Variants in WDR26 observed in about 807,000 individuals in gnomAD.
WDR26 encodes WD repeat-containing protein 26.
In WDR26, 5 loss-of-function variants were observed where a neutral mutation model predicts 84.1. The observed-to-expected ratio is 0.06, with a 90% CI of 0.03 to 0.13. The LOEUF (loss-of-function observed/expected upper bound fraction) is 0.13. Among genes scored for constraint, WDR26 ranks in the 10% least tolerant of loss-of-function variants. WDR26 has a pLI of 1.00. For missense variants in WDR26, 642 were observed against 974.9 expected, an observed-to-expected ratio of 0.66 and a Z score of 4.55; for synonymous variants, 415 against 389.6, an observed-to-expected ratio of 1.07 and a Z score of -0.77.
At chr1:224,407,151 A>AAAAAAGAATATATATATAT in intron 7 of WDR26, among the ~76,000 whole-genome samples, 456 of 11,884 alleles carry the variant, frequency 0.038, 59 homozygotes, top group Non-Finnish European at 0.056. Flanking sequence ...AAAAAAAAAA[A>AAAAAAGAATATATATATAT]ATATATATAT....
intron 4 of WDR26, among the ~76,000 whole-genome samples, chr1:224,421,498 G>A (rs1342095289): frequency 6.6e-6 from 1 of 152,216 alleles, no homozygotes; most frequent in African/African-American, 2.4e-5. Flanking sequence ...GCTGAGGCAG[G>A]AGAATTGCTT....
In WDR26 at chr1:224,386,314, T is replaced by C. The variant is rs1231508343; in HGVS notation, c.*3521A>G. 1.3e-5 allele frequency: 2 copies of C among 152,632 alleles called. No individual in the cohort carries two copies. The highest frequency in any genetic ancestry group is 6.5e-5 in the Admixed American group (1 of 15,272). The allele number at this position is 152,632 out of a possible 1,614,324, so 9.5% of individuals were successfully genotyped here. A position where few individuals can be genotyped will look rare whatever the true frequency, so the allele number is the denominator to read the frequency against. On this transcript the variant is annotated 3_prime_UTR_variant, in exon 14 of 14. Coordinates refer to ENST00000414423, the MANE Select transcript of WDR26 (RefSeq NM_001379403.1). ...AAGTAAAACCAAATCAAAATATTTA[T>C]ACATTTTAGAGATGGGACAAAAAGG...
Position 224,389,666 on chromosome 1 carries a change from A to G in WDR26, c.*169T>C, listed in dbSNP as rs879208257. The G allele has an allele frequency of 2.9e-6, 2 of 693,108 alleles. No individual in the cohort carries two copies. Among genetic ancestry groups the G allele is most frequent in the South Asian group, 1.6e-5 (1 of 62,458 alleles). 42.9% of individuals were successfully genotyped at this position (693,108 alleles called of 1,614,324 possible). A position where few individuals can be genotyped will look rare whatever the true frequency, so the allele number is the denominator to read the frequency against. On this transcript the variant is annotated 3_prime_UTR_variant, in exon 14 of 14. Coordinates refer to ENST00000414423, the MANE Select transcript of WDR26 (RefSeq NM_001379403.1). ...ACGTGCTTCATCTCAACTGGTTACT[A>G]TGAAGCAAGGTGTAAATGTTTGGCC...
At chr1:224,395,988 T>C (rs927760591) in intron 12 of WDR26, among the ~76,000 whole-genome samples, 2 of 152,222 alleles carry the variant, frequency 1.3e-5, no homozygotes, top group East Asian at 1.9e-4. Flanking sequence ...CTGGCACTTA[T>C]ATATTTGGGG....
At position 224,412,679 on chromosome 1, in the gene WDR26, T is replaced by C. The variant is rs115754390; in HGVS notation, c.1320-1114A>G. 5.3e-3 allele frequency among the ~76,000 whole-genome samples: 802 copies of C among 152,342 alleles called. 12 individuals are homozygous for C. Among genetic ancestry groups the C allele is most frequent in the African/African-American group, 0.018 (759 of 41,582 alleles). ...ATATCAACTGTCCAACAGAACTTTC[T>C]GTGACAGTGGAAATGCTATATACCT... On this transcript the variant is annotated intron_variant, in intron 6 of 13. Transcript: ENST00000414423.
In WDR26 at chr1:224,434,358, G is replaced by C. The variant is rs1017677401; in HGVS notation, c.48C>G (p.Ser16=). 8.2e-7 allele frequency: 1 copy of C among 1,222,038 alleles called. No individual in the cohort carries two copies. The allele number at this position is 1,222,038 out of a possible 1,614,324, so 75.7% of individuals were successfully genotyped here. Residue 16 remains serine, a synonymous_variant, in exon 1 of 14, where the codon TCC becomes TCG. Transcript: ENST00000414423. ...GGGAGGCTCCGCCGGTGTCCGAGTC[G>C]GAGGAGGAGGAAGCGGAGGCCAGAG...
intron 3 of WDR26, among the ~76,000 whole-genome samples, chr1:224,428,038 C>T (rs964698284): frequency 6.6e-6 from 1 of 152,084 alleles, no homozygotes; most frequent in African/African-American, 2.4e-5. Flanking sequence ...GAGATTATTT[C>T]TGGTCTCTAA....
At chr1:224,421,592 A>T (rs1196714309) in intron 4 of WDR26, among the ~76,000 whole-genome samples, 1 of 152,214 alleles carries the variant, frequency 6.6e-6, no homozygotes, top group African/African-American at 2.4e-5. Flanking sequence ...TCTGTCTCAA[A>T]AAAAAAGGTA....
At chr1:224,392,147 G>A (rs1673145535) in intron 13 of WDR26, among the ~76,000 whole-genome samples, 1 of 152,120 alleles carries the variant, frequency 6.6e-6, no homozygotes, top group Non-Finnish European at 1.5e-5. Flanking sequence ...GGATCACGAG[G>A]TCAGGAGATC....
intron 6 of WDR26, chr1:224,413,385 C>T (rs1673793031): frequency 2.9e-6 from 3 of 1,030,718 alleles, no homozygotes; most frequent in South Asian, 3.0e-5. Context: ...TTATTTGGTA[C>T]ACATGGCAAT....
At chr1:224,433,629 T>A in intron 1 of WDR26, 55 bp downstream of exon 1, 45 of 886,906 alleles carry the variant, frequency 5.1e-5, no homozygotes, top group East Asian at 8.9e-5. Context: ...CCTACCCCCC[T>A]GGAGCCTCCG....
intron 8 of WDR26, among the ~76,000 whole-genome samples, chr1:224,401,670 T>TAAAAAAAAAAAAAAAAAA (rs1673416463): frequency 8.0e-4 from 1 of 1,244 alleles, no homozygotes; most frequent in African/African-American, 2.8e-3. Context: ...TGAGACTGTC[T>TAAAAAAAAAAAAAAAAAA]CAAAAAAAAA....
Position 224,431,464 on chromosome 1 carries a change from A to G in WDR26, c.927+13T>C. ...AAGCATAAATGTGAAACTAAGAACA[A>G]AAGTGTATTTACCACAATTATTCCC... On this transcript the variant is annotated intron_variant, in intron 3 of 13. Transcript: ENST00000414423. 1 of 1,610,968 alleles carries G rather than the reference A, an allele frequency of 6.2e-7. No homozygotes were observed. The highest frequency in any genetic ancestry group is 8.5e-7 in the Non-Finnish European group (1 of 1,177,468).
chr1:224,391,470 GGAGTT>G (rs1190957852), intron 13 of WDR26, among the ~76,000 whole-genome samples: 1 of 150,920 alleles, frequency 6.6e-6, no homozygotes, highest in East Asian at 1.9e-4. Context: ...CTTTTGAAAT[GGAGTT>G]GAGTGTATTT....
At chr1:224,417,309 C>T (rs552577210) in intron 6 of WDR26, among the ~76,000 whole-genome samples, 1 of 152,286 alleles carries the variant, frequency 6.6e-6, no homozygotes, top group African/African-American at 2.4e-5. Context: ...TGCATTGCAG[C>T]TATTCTCTAT....
At chr1:224,431,215 TTAG>T (rs1206594665) in intron 3 of WDR26, 11 of 344,922 alleles carry the variant, frequency 3.2e-5, no homozygotes, top group African/African-American at 2.3e-4. Flanking sequence ...AAAACCTCTA[TTAG>T]TAGCACTGAA....
chr1:224,406,928 C>T (rs1020399267), intron 7 of WDR26, among the ~76,000 whole-genome samples: 1 of 150,758 alleles, frequency 6.6e-6, no homozygotes, highest in Admixed American at 6.6e-5. Flanking sequence ...TTCAGACCAG[C>T]CTGGCCAATG....
In WDR26 at chr1:224,434,580, C is replaced by CT. The variant is rs929510238; in HGVS notation, c.-176_-175insA. The CT allele has an allele frequency of 4.2e-6, 2 of 480,928 alleles. No individual in the cohort carries two copies. The highest frequency in any genetic ancestry group is 4.3e-5 in the African/African-American group (2 of 46,520). 29.8% of individuals were successfully genotyped at this position (480,928 alleles called of 1,614,324 possible). A position where few individuals can be genotyped will look rare whatever the true frequency, so the allele number is the denominator to read the frequency against. ...GAGGATCCGGGCCCTTTCCCCCCCCCCTCCCGGAGGCAGCTCGGGGTGCGC... is the reference window on the plus strand; with the variant it reads ...GAGGATCCGGGCCCTTTCCCCCCCCCTCTCCCGGAGGCAGCTCGGGGTGCGC... On this transcript the variant is annotated 5_prime_UTR_variant, in exon 1 of 14. Coordinates refer to ENST00000414423, the MANE Select transcript of WDR26 (RefSeq NM_001379403.1).
At chr1:224,411,801 G>T (rs548136551) in intron 6 of WDR26, among the ~76,000 whole-genome samples, 1 of 151,784 alleles carries the variant, frequency 6.6e-6, no homozygotes, top group African/African-American at 2.4e-5. Context: ...GACCGCCTGG[G>T]GTCAAGAGAC....
Sources: gnomAD v4.1 joint callset for allele counts (sites outside exome capture counted in the v4.1 genomes callset) on GRCh38, gnomAD v4.1.1 for gene constraint, MANE v1.5 for transcripts, NCBI Gene and HGNC (gene_info 2026-07-23, HGNC 2026-07-21) for gene names.